The following MED15 variants were observed in gnomAD, a reference collection of about 807,000 sequenced individuals.
The protein encoded by MED15 is mediator of RNA polymerase II transcription subunit 15.
In MED15, 41 loss-of-function variants were observed where a neutral mutation model predicts 118.7. The ratio of observed to expected loss-of-function variants is 0.35; its 90% confidence interval spans 0.27 to 0.45. MED15 has a LOEUF of 0.45. Among genes scored for constraint, MED15 ranks in the 20% least tolerant of loss-of-function variants. The pLI is 1.00. For synonymous variants in MED15, 436 were observed against 413.9 expected, an observed-to-expected ratio of 1.05 and a Z score of -0.65; for missense variants, 740 against 1,025.5, an observed-to-expected ratio of 0.72 and a Z score of 3.80.
chr22:20,535,082 C>T (rs148429575), intron 1 of MED15, among the ~76,000 whole-genome samples: 9 of 152,068 alleles, frequency 5.9e-5, no homozygotes, highest in Non-Finnish European at 8.8e-5. Context: ...CTCAGCCTCC[C>T]GAGTAGCTGG....
intron 5 of MED15, among the ~76,000 whole-genome samples, chr22:20,556,764 C>T (rs971459276): frequency 1.3e-5 from 2 of 152,194 alleles, no homozygotes; most frequent in Non-Finnish European, 2.9e-5. Flanking sequence ...TCAGAGATCG[C>T]GCCCTCCCTC....
intron 1 of MED15, chr22:20,523,895 G>A (rs925683945): frequency 1.0e-6 from 1 of 960,520 alleles, no homozygotes; most frequent in Non-Finnish European, 1.2e-6. Context: ...GGAGTTGAGA[G>A]ACCTTGAGGA....
At chr22:20,515,188 C>T (rs28438593) in intron 1 of MED15, among the ~76,000 whole-genome samples, 3,629 of 152,266 alleles carry the variant, frequency 0.024, 158 homozygotes, top group African/African-American at 0.083. Flanking sequence ...CAGCAGCTGA[C>T]GTGCGGCAGG....
Position 20,583,159 on chromosome 22 carries a change from G to A in MED15, c.1584G>A (p.Glu528=). 1.9e-6 allele frequency: 3 copies of A among 1,609,106 alleles called. No homozygotes were observed. The South Asian group carries it at 3.3e-5, about 18-fold the overall frequency. The change falls in exon 12 of 18, where the codon GAG becomes GAA. Residue 528 remains glutamate, a synonymous_variant. Transcript: ENST00000263205. ...VMSPAGSSQA[E]EQQYLDKLKQ... is the part of the protein sequence containing the mutation. ...GCCCAGCTGGCTCCAGCCAGGCTGA[G>A]GAGCAGCAGTACCTGGACAAGCTGA... is the stretch of plus-strand genomic sequence containing the variant.
At chr22:20,566,212 GTAT>G (rs1383332526) in intron 6 of MED15, among the ~76,000 whole-genome samples, 3 of 151,934 alleles carry the variant, frequency 2.0e-5, no homozygotes, top group East Asian at 3.9e-4. Context: ...GCTAATTTTT[GTAT>G]TATTAGTAGA....
At chr22:20,559,276 A>G (rs559054573) in intron 5 of MED15, among the ~76,000 whole-genome samples, 19 of 152,222 alleles carry the variant, frequency 1.2e-4, no homozygotes, top group Non-Finnish European at 2.8e-4. Flanking sequence ...TGAGCAATAT[A>G]ATTATTGAAC....
intron 3 of MED15, chr22:20,551,843 G>T: frequency 3.2e-6 from 1 of 309,862 alleles, no homozygotes; most frequent in Non-Finnish European, 6.2e-6. Flanking sequence ...CCTAAAAGTT[G>T]ATTTTATTGA....
At position 20,515,926 on chromosome 22, in the gene MED15, C is replaced by A. The variant is rs554243409; in HGVS notation, c.68+8180C>A. On this transcript the variant is annotated intron_variant, in intron 1 of 17. Transcript: ENST00000263205. ...GCTGAGGTAGGAGAATCGCTTGAAC[C>A]TGAGAGGCGGAGGTTGCAGTGAGTC... Among the ~76,000 whole-genome samples, 29 of 152,094 alleles carry A rather than the reference C, an allele frequency of 1.9e-4. 1 individual carries two copies. Among genetic ancestry groups the A allele is most frequent in the African/African-American group, 7.0e-4 (29 of 41,464 alleles).
At chr22:20,531,490 GC>G (rs1042698005) in intron 1 of MED15, among the ~76,000 whole-genome samples, 3 of 152,198 alleles carry the variant, frequency 2.0e-5, no homozygotes, top group African/African-American at 7.2e-5. Flanking sequence ...TGGAATTTGA[GC>G]CCAGGTCCCT....
In MED15 at chr22:20,530,934, T is replaced by A. The variant is rs144867292; in HGVS notation, c.69-6183T>A. 1.4e-4 allele frequency among the ~76,000 whole-genome samples: 22 copies of A among 152,276 alleles called. No homozygotes were observed. The East Asian group carries it at 4.2e-3, about 29-fold the overall frequency. ...GTTTTGGGATGCATCCTATTGCACA[T>A]TTGGGCAGGTTGTTGCCTGACTTAT... is the stretch of plus-strand genomic sequence containing the variant. On this transcript the variant is annotated intron_variant, in intron 1 of 17. Transcript: ENST00000263205.
At chr22:20,544,436 C>T (rs1601536916) in intron 2 of MED15, among the ~76,000 whole-genome samples, 3 of 152,274 alleles carry the variant, frequency 2.0e-5, no homozygotes, top group South Asian at 2.1e-4. Context: ...GAGGCTGAGG[C>T]GGGCAGATCA....
chr22:20,584,410 G>A lies in MED15; in HGVS notation c.1788G>A (p.Lys596=). ...GTGAGATCGCCCTGGAGAAACTCAA[G>A]AATGACATGGCGGTGGTGAGTGGGA... ...QKCEIALEKL[K]NDMAVPTPPP... Residue 596 remains lysine (K), a synonymous_variant, in exon 14 of 18, where the codon AAG becomes AAA. Transcript: ENST00000263205. The A allele has an allele frequency of 6.2e-7, 1 of 1,613,764 alleles. No homozygotes were observed. Among genetic ancestry groups the A allele is most frequent in the Non-Finnish European group, 8.5e-7 (1 of 1,179,820 alleles).
At chr22:20,562,126 A>G (rs374651760) in intron 5 of MED15, among the ~76,000 whole-genome samples, 3 of 152,296 alleles carry the variant, frequency 2.0e-5, no homozygotes, top group East Asian at 3.9e-4. Context: ...GAGACACTGC[A>G]TTCCAGCCTG....
chr22:20,536,727 T>TG (rs1324062820), intron 1 of MED15, among the ~76,000 whole-genome samples: 2 of 152,132 alleles, frequency 1.3e-5, no homozygotes, highest in African/African-American at 2.4e-5. Context: ...GCAGAGTTCA[T>TG]GGGGAACGCA....
chr22:20,568,788 T>C (rs1289657179), intron 8 of MED15, among the ~76,000 whole-genome samples, 157 bp downstream of exon 8: 4 of 152,168 alleles, frequency 2.6e-5, no homozygotes, highest in Non-Finnish European at 5.9e-5. Context: ...AAGACACCCC[T>C]GGAGTCCTTG....
rs145405917 is a variant in MED15, at chr22:20,510,088, T to G, written c.68+2342T>G. On this transcript the variant is annotated intron_variant, in intron 1 of 17. Coordinates refer to ENST00000263205, the MANE Select transcript of MED15 (RefSeq NM_001003891.3). Reference sequence around the variant, plus strand: ...ACAAATTACCACAAGTTTAGCATCTTAAAACAACACACCTTTAGCCAGGTG... The same window carrying G: ...ACAAATTACCACAAGTTTAGCATCTGAAAACAACACACCTTTAGCCAGGTG... Among the ~76,000 whole-genome samples the G allele has an allele frequency of 6.6e-5, 10 of 152,286 alleles. No homozygotes were observed. The East Asian group carries it at 1.9e-3, about 29-fold the overall frequency.
chr22:20,553,114 C>CT, intron 3 of MED15, 31 bp from the exon 4 acceptor site: 1 of 1,596,358 alleles, frequency 6.3e-7, no homozygotes, highest in Non-Finnish European at 8.6e-7. Flanking sequence ...ACTATGTTTA[C>CT]TTTCGTTTTT....
intron 1 of MED15, among the ~76,000 whole-genome samples, chr22:20,532,589 A>G (rs2054902451): frequency 6.6e-6 from 1 of 152,196 alleles, no homozygotes; most frequent in Admixed American, 6.5e-5. Flanking sequence ...GTTCACAGCA[A>G]GGGACTGTGT....
chr22:20,512,931 G>C (rs573451597), intron 1 of MED15, among the ~76,000 whole-genome samples: 2 of 151,848 alleles, frequency 1.3e-5, no homozygotes, highest in South Asian at 4.2e-4. Flanking sequence ...TAGTAGAGAC[G>C]GGGTTTCACC....
Sources: allele counts gnomAD v4.1 joint callset (sites outside exome capture counted in the v4.1 genomes callset), GRCh38; gene constraint gnomAD v4.1.1; transcripts MANE v1.5; gene names NCBI Gene and HGNC (gene_info 2026-07-23, HGNC 2026-07-21).